Variants in ATP8A2 observed in about 807,000 individuals in gnomAD.
ATP8A2 encodes the protein ATPase phospholipid transporting 8A2.
Under a neutral mutation model 165.6 loss-of-function variants are expected in ATP8A2, and 100 were observed. The ratio of observed to expected loss-of-function variants is 0.60; its 90% confidence interval spans 0.51 to 0.71. The LOEUF (loss-of-function observed/expected upper bound fraction) is 0.71, where lower values mean the gene tolerates loss of function less well. Ranked by LOEUF, ATP8A2 falls within the 30% of genes least tolerant of loss-of-function variation. The pLI is 0.00. For missense variants in ATP8A2, 1,227 were observed against 1,479.5 expected, an observed-to-expected ratio of 0.83 and a Z score of 2.80; for synonymous variants, 543 against 548.8, an observed-to-expected ratio of 0.99 and a Z score of 0.15.
At chr13:25,544,420 C>T (rs1448643666) in intron 10 of ATP8A2, among the ~76,000 whole-genome samples, 12 of 152,136 alleles carry the variant, frequency 7.9e-5, no homozygotes, top group Admixed American at 7.9e-4. Context: ...AAATGATAGT[C>T]AGATGAAAGA....
At chr13:25,999,334 C>A (rs1327551858) in intron 35 of ATP8A2, among the ~76,000 whole-genome samples, 1 of 152,106 alleles carries the variant, frequency 6.6e-6, no homozygotes, top group African/African-American at 2.4e-5. Flanking sequence ...CAAGCTGAGT[C>A]CAAAGTTGCA....
At chr13:25,702,473 C>T (rs1426251131) in intron 25 of ATP8A2, among the ~76,000 whole-genome samples, 4 of 152,124 alleles carry the variant, frequency 2.6e-5, no homozygotes, top group African/African-American at 7.2e-5. Context: ...GTATAATTTA[C>T]TTTGTATCTG....
chr13:25,519,782 A>G (rs2137834446), intron 2 of ATP8A2, among the ~76,000 whole-genome samples: 1 of 152,196 alleles, frequency 6.6e-6, no homozygotes, highest in South Asian at 2.1e-4. Context: ...TCTTTAGGGG[A>G]GGGGTGGCTT....
intron 27 of ATP8A2, among the ~76,000 whole-genome samples, chr13:25,806,408 C>T (rs779102517): frequency 4.6e-5 from 7 of 151,954 alleles, no homozygotes; most frequent in Non-Finnish European, 8.8e-5. Context: ...TTGGTGGTCT[C>T]AGCTGGTTTG....
intron 20 of ATP8A2, among the ~76,000 whole-genome samples, chr13:25,578,592 T>C (rs1002882912): frequency 3.9e-5 from 6 of 152,234 alleles, no homozygotes; most frequent in Admixed American, 1.3e-4. Context: ...CCAGCATATT[T>C]TTGTTTGGCT....
intron 18 of ATP8A2, 33 bp from the exon 19 acceptor site, chr13:25,574,775 A>G: frequency 7.7e-7 from 1 of 1,302,018 alleles, no homozygotes; most frequent in Non-Finnish European, 1.1e-6. Flanking sequence ...AATACTTTGC[A>G]CCTCGGTTAA....
At chr13:25,909,140 A>G (rs1954032928) in intron 33 of ATP8A2, among the ~76,000 whole-genome samples, 1 of 152,206 alleles carries the variant, frequency 6.6e-6, no homozygotes, top group African/African-American at 2.4e-5. Flanking sequence ...ACAGAATTCC[A>G]ATTAGAAAGG....
intron 1 of ATP8A2, among the ~76,000 whole-genome samples, chr13:25,435,519 G>A (rs543303362): frequency 2.8e-4 from 43 of 152,156 alleles, no homozygotes; most frequent in Admixed American, 3.9e-4. Flanking sequence ...CATAATCTTC[G>A]TAGGTTCTTT....
At chr13:25,728,969 G>C (rs1424511900) in intron 25 of ATP8A2, among the ~76,000 whole-genome samples, 1 of 152,100 alleles carries the variant, frequency 6.6e-6, no homozygotes. Context: ...CTTCTTTCCA[G>C]GTCCTATTAA....
chr13:25,515,860 C>T (rs980185687), intron 2 of ATP8A2, among the ~76,000 whole-genome samples: 2 of 152,186 alleles, frequency 1.3e-5, no homozygotes, highest in Non-Finnish European at 2.9e-5. Flanking sequence ...CTTTATGAAA[C>T]TGTGAGCTGT....
At chr13:25,658,301 C>T (rs536556384) in intron 24 of ATP8A2, among the ~76,000 whole-genome samples, 1 of 152,262 alleles carries the variant, frequency 6.6e-6, no homozygotes, top group South Asian at 2.1e-4. Flanking sequence ...ACCAGACATT[C>T]CCCTTGCTTC....
intron 35 of ATP8A2, among the ~76,000 whole-genome samples, chr13:25,999,811 A>C (rs1007923141): frequency 1.3e-5 from 2 of 152,170 alleles, no homozygotes; most frequent in African/African-American, 2.4e-5. Flanking sequence ...GGGAAAGGAG[A>C]ATCATCTACT....
intron 24 of ATP8A2, among the ~76,000 whole-genome samples, chr13:25,668,345 C>G (rs1192087274): frequency 4.6e-5 from 7 of 151,988 alleles, no homozygotes; most frequent in African/African-American, 1.4e-4. Flanking sequence ...AAATATTTTA[C>G]CCCATTGTAT....
intron 30 of ATP8A2, among the ~76,000 whole-genome samples, chr13:25,855,048 C>G (rs1225169634): frequency 6.6e-6 from 1 of 151,904 alleles, no homozygotes; most frequent in East Asian, 1.9e-4. Flanking sequence ...GTCAGGAGTT[C>G]GAGACCAGCC....
intron 24 of ATP8A2, among the ~76,000 whole-genome samples, chr13:25,599,121 C>T (rs1593617660): frequency 6.6e-6 from 1 of 152,002 alleles, no homozygotes; most frequent in Middle Eastern, 3.4e-3. Context: ...GGTTTTCTTT[C>T]CCCAAATTTC....
chr13:25,808,406 C>T (rs1950788790), intron 27 of ATP8A2, among the ~76,000 whole-genome samples: 1 of 151,902 alleles, frequency 6.6e-6, no homozygotes, highest in African/African-American at 2.4e-5. Context: ...TGAGACCAGC[C>T]TGGGCAACGT....
At position 25,848,266 on chromosome 13, in the gene ATP8A2, A is replaced by G. The variant is rs146335242; in HGVS notation, c.2956+8642A>G. On this transcript the variant is annotated intron_variant, in intron 30 of 36. Transcript: ENST00000381655. ...CTTCATTTCAACACAGTGAGGCTCC[A>G]TGGAGTACACCCTCAGCCTCAACAC... Among the ~76,000 whole-genome samples, 37 of 152,366 alleles carry G rather than the reference A, an allele frequency of 2.4e-4. No individual in the cohort carries two copies. In the East Asian group the frequency reaches 5.6e-3, roughly 23 times the overall value.
intron 25 of ATP8A2, among the ~76,000 whole-genome samples, chr13:25,738,027 A>G (rs540076969): frequency 6.6e-6 from 1 of 152,324 alleles, no homozygotes; most frequent in South Asian, 2.1e-4. Context: ...CATTTTGTGT[A>G]AATATGATGC....
intron 30 of ATP8A2, among the ~76,000 whole-genome samples, chr13:25,854,504 G>A (rs1015432644): frequency 6.6e-6 from 1 of 152,068 alleles, no homozygotes; most frequent in Non-Finnish European, 1.5e-5. Context: ...TAAAAAATTT[G>A]TTCATAGAGA....
Sources: allele counts gnomAD v4.1 joint callset (sites outside exome capture counted in the v4.1 genomes callset), GRCh38; gene constraint gnomAD v4.1.1; transcripts MANE v1.5; gene names NCBI Gene and HGNC (gene_info 2026-07-23, HGNC 2026-07-21).